The following LRRTM1 variants were observed in gnomAD, a reference collection of about 807,000 sequenced individuals.
LRRTM1 encodes the protein leucine-rich repeat transmembrane neuronal protein 1.
Under a neutral mutation model 37.3 loss-of-function variants are expected in LRRTM1, and 8 were observed. That is an observed-to-expected ratio of 0.21 (90% CI 0.13 to 0.39). The LOEUF is 0.39. Ranked by LOEUF, LRRTM1 falls within the 10% of genes least tolerant of loss-of-function variation. The pLI, the probability that LRRTM1 is intolerant of heterozygous loss-of-function variation, is 1.00. For synonymous variants in LRRTM1, 326 were observed against 316.8 expected (o/e 1.03, Z -0.31); for missense variants, 557 against 691.0 (o/e 0.81, Z 2.17).
chr2:80,295,960 C>G (rs1269722986), intron 2 of LRRTM1, among the ~76,000 whole-genome samples: 1 of 152,194 alleles, frequency 6.6e-6, no homozygotes, highest in Non-Finnish European at 1.5e-5. Context: ...TATCTCTAGA[C>G]TATCCTGTTT....
intron 1 of LRRTM1, 74 bp downstream of exon 1, chr2:80,304,078 G>A (rs1558986412): frequency 5.0e-6 from 2 of 396,834 alleles, no homozygotes; most frequent in Non-Finnish European, 8.9e-6. Context: ...GTCCATGTTA[G>A]ATGCTGCAGC....
rs1209857793 is a variant in LRRTM1 at position 80,303,057 on chromosome 2, C to G, written c.763G>C (p.Val255Leu). 1.9e-6 allele frequency: 3 copies of G among 1,613,978 alleles called. No homozygotes were observed. Among genetic ancestry groups the G allele is most frequent in the Non-Finnish European group, 2.5e-6 (3 of 1,180,016 alleles). ...VAIVVSSLDW[V>L]WNLEKMDLSG... ...AAGTCCATTTTCTCCAGGTTCCAAACCCAGTCCAGCGAGCTGACCACAATG... is the reference window on the plus strand; with the variant it reads ...AAGTCCATTTTCTCCAGGTTCCAAAGCCAGTCCAGCGAGCTGACCACAATG... Residue 255 changes from valine (V) to leucine (L), a missense_variant, in exon 2 of 2, where the codon GTT (valine) becomes CTT (leucine). Val to Leu is a conservative substitution (Grantham distance 32, BLOSUM62 1). This residue lies in a region of LRRTM1 where 200 missense variants were observed against 249.9 expected (regional missense o/e 0.80). Transcript: ENST00000295057. This position sits in a 1 kb window ranked among gnomAD's most constrained non-coding sequence, Gnocchi z 7.7.
At chr2:80,291,722 G>C (rs1675268651) in intron 2 of LRRTM1, among the ~76,000 whole-genome samples, 1 of 152,180 alleles carries the variant, frequency 6.6e-6, no homozygotes, top group Admixed American at 6.5e-5. Flanking sequence ...ACTATAGATA[G>C]CAAACAGCTC....
chr2:80,296,791 C>A (rs1675785203), intron 2 of LRRTM1, among the ~76,000 whole-genome samples: 1 of 152,106 alleles, frequency 6.6e-6, no homozygotes, highest in Non-Finnish European at 1.5e-5. Context: ...AGTATCCAGA[C>A]ATCTACCTAC....
downstream of LRRTM1, chr2:80,299,021 AT>A (rs1214323024): frequency 6.6e-6 from 1 of 152,170 alleles, no homozygotes; most frequent in Non-Finnish European, 1.5e-5. Context: ...CTATATAAAT[AT>A]TCGAAAAACC....
chr2:80,293,084 T>C (rs1052914238), intron 2 of LRRTM1, among the ~76,000 whole-genome samples: 5 of 152,222 alleles, frequency 3.3e-5, no homozygotes, highest in Admixed American at 2.6e-4. Context: ...CAGGGAAATA[T>C]AGATTTCACC....
intron 2 of LRRTM1, among the ~76,000 whole-genome samples, chr2:80,296,876 C>T (rs1395914841): frequency 6.6e-6 from 1 of 152,194 alleles, no homozygotes; most frequent in East Asian, 1.9e-4. Context: ...TAAATGTCTA[C>T]TGGGTGGCAA....
At position 80,301,932 on chromosome 2, in the gene LRRTM1, C is replaced by A; in HGVS notation, c.*319G>T. ...TTTAGTTTACAAAAAAAAAAAAAAT[C>A]AATGATTGGTACCTTTTTTACACTC... On this transcript the variant is annotated 3_prime_UTR_variant, in exon 2 of 2. Transcript: ENST00000295057. 2 of 218,280 alleles carry A rather than the reference C, an allele frequency of 9.2e-6. No individual in the cohort carries two copies. Among genetic ancestry groups the A allele is most frequent in the Non-Finnish European group, 1.8e-5 (2 of 112,628 alleles). The allele number at this position is 218,280 out of a possible 1,614,324, so 13.5% of individuals were successfully genotyped here.
Position 80,303,094 on chromosome 2 carries a change from C to T in LRRTM1, c.726G>A (p.Arg242=). 1 of 1,614,054 alleles carries T rather than the reference C, an allele frequency of 6.2e-7. No homozygotes were observed. The highest frequency in any genetic ancestry group is 1.6e-4 in the Middle Eastern group (1 of 6,062). The change falls in exon 2 of 2, where the codon AGG becomes AGA. Residue 242 remains arginine, a synonymous_variant. Coordinates refer to ENST00000295057, the MANE Select transcript of LRRTM1 (RefSeq NM_178839.5). This position sits in a 1 kb window ranked among gnomAD's most constrained non-coding sequence, Gnocchi z 7.7. The stretch of plus-strand genomic sequence containing the variant: ...AGCTGACCACAATGGCCACCTTGTT[C>T]CTCCGCAGGCAGAGCGAGTGCAGGG... The part of the protein sequence containing the change: ...LISLHSLCLR[R]NKVAIVVSSL...
rs1272933141 is a variant in LRRTM1 at position 80,302,586 on chromosome 2, C to T, written c.1234G>A (p.Ala412Thr). The change falls in exon 2 of 2, where the codon GCT (alanine) becomes ACT (threonine). Residue 412 changes from alanine (A) to threonine (T), a missense_variant. Coordinates refer to ENST00000295057, the MANE Select transcript of LRRTM1 (RefSeq NM_178839.5). This position sits in a 1 kb window ranked among gnomAD's most constrained non-coding sequence, Gnocchi z 6.4. ...HDGTFEPATVALPGGEHAENA... is the reference protein window; with the variant it reads ...HDGTFEPATVTLPGGEHAENA... Reference sequence around the variant, plus strand: ...TCGGCGTGCTCGCCGCCTGGAAGAGCCACGGTGGCAGGCTCGAATGTGCCG... The same window carrying T: ...TCGGCGTGCTCGCCGCCTGGAAGAGTCACGGTGGCAGGCTCGAATGTGCCG... 1.2e-6 allele frequency: 2 copies of T among 1,606,928 alleles called. No individual in the cohort carries two copies. Among genetic ancestry groups the T allele is most frequent in the Non-Finnish European group, 8.5e-7 (1 of 1,179,018 alleles).
chr2:80,302,886 C>T lies in LRRTM1; in HGVS notation c.934G>A (p.Ala312Thr). Reference protein sequence around the residue: ...SWKSLTSITLAGNLWDCGRNV... With the variant: ...SWKSLTSITLTGNLWDCGRNV... ...CGCCCGCAATCCCACAGGTTCCCGG[C>T]CAGGGTGATGCTTGTCAGGGACTTC... The change falls in exon 2 of 2, where the codon GCC becomes ACC. Residue 312 changes from alanine (A) to threonine (T), a missense_variant. Physicochemically the swap from Ala to Thr is moderately conservative, Grantham distance 58. Around this residue, in one of 5 missense-constraint regions of LRRTM1, gnomAD observed 200 missense variants for 249.9 expected, o/e 0.80. Coordinates refer to ENST00000295057, the MANE Select transcript of LRRTM1 (RefSeq NM_178839.5). This position sits in a 1 kb window ranked among gnomAD's most constrained non-coding sequence, Gnocchi z 6.4. The T allele has an allele frequency of 6.2e-7, 1 of 1,614,124 alleles. No individual in the cohort carries two copies. Among genetic ancestry groups the T allele is most frequent in the East Asian group, 2.2e-5 (1 of 44,860 alleles).
intron 2 of LRRTM1, among the ~76,000 whole-genome samples, chr2:80,290,126 G>A (rs1675110191): frequency 6.6e-6 from 1 of 152,104 alleles, no homozygotes. Context: ...AGCAAGGATT[G>A]TTTTCTGAAT....
chr2:80,295,095 T>C (rs1675623632), intron 2 of LRRTM1, among the ~76,000 whole-genome samples: 1 of 152,074 alleles, frequency 6.6e-6, no homozygotes, highest in Non-Finnish European at 1.5e-5. Flanking sequence ...TGCCTTTTTT[T>C]CTTCTCAATC....
At chr2:80,289,904 G>C (rs1296961496) in intron 2 of LRRTM1, among the ~76,000 whole-genome samples, 1 of 152,186 alleles carries the variant, frequency 6.6e-6, no homozygotes, top group African/African-American at 2.4e-5. Context: ...TCACAGCAGT[G>C]ACCAAGAGCA....
At chr2:80,300,281 G>GGGGT (rs1353283390), downstream of LRRTM1, among the ~76,000 whole-genome samples, 1,143 of 93,126 alleles carry the variant, frequency 0.012, 10 homozygotes, top group Middle Eastern at 0.021. Context: ...GGGGTGTTGG[G>GGGGT]GTGTGTGTGT....
chr2:80,291,491 C>T (rs1451812971), intron 2 of LRRTM1, among the ~76,000 whole-genome samples: 1 of 152,206 alleles, frequency 6.6e-6, no homozygotes, highest in Non-Finnish European at 1.5e-5. Context: ...CAGATGTGTA[C>T]TTCATCATTT....
At chr2:80,300,753 C>A (rs1676207466), downstream of LRRTM1, among the ~76,000 whole-genome samples, 1 of 152,138 alleles carries the variant, frequency 6.6e-6, no homozygotes, top group African/African-American at 2.4e-5. Flanking sequence ...TTATTTCAAT[C>A]ATACATTTGC....
At chr2:80,295,936 G>A (rs1675698703) in intron 2 of LRRTM1, among the ~76,000 whole-genome samples, 1 of 152,128 alleles carries the variant, frequency 6.6e-6, no homozygotes, top group Non-Finnish European at 1.5e-5. Context: ...ATGAATTTCA[G>A]TTTGCAGTTC....
At chr2:80,294,108 T>C (rs1675510180) in intron 2 of LRRTM1, among the ~76,000 whole-genome samples, 1 of 152,074 alleles carries the variant, frequency 6.6e-6, no homozygotes, top group Non-Finnish European at 1.5e-5. Flanking sequence ...AGGAAGGTGG[T>C]AGCGGGAGAA....
Sources: allele counts gnomAD v4.1 joint callset (sites outside exome capture counted in the v4.1 genomes callset), GRCh38; gene constraint gnomAD v4.1.1; regional missense constraint gnomAD v4.1.1; non-coding constraint Gnocchi (gnomAD v3.1); transcripts MANE v1.5; gene names NCBI Gene and HGNC (gene_info 2026-07-23, HGNC 2026-07-21).